The following ABCA12 variants were observed in gnomAD, a reference collection of about 807,000 sequenced individuals.
ABCA12 encodes ATP binding cassette subfamily A member 12.
Under a neutral mutation model 293.5 loss-of-function variants are expected in ABCA12, and 156 were observed. The observed-to-expected ratio is 0.53, with a 90% CI of 0.47 to 0.61. The LOEUF (loss-of-function observed/expected upper bound fraction) is 0.61, where lower values mean the gene tolerates loss of function less well. ABCA12 is among the 20% of genes least tolerant of loss of function. The pLI is 0.00. For synonymous variants in ABCA12, 1,063 were observed against 1,108.0 expected (o/e 0.96, Z 0.81); for missense variants, 2,797 against 3,090.2 (o/e 0.91, Z 2.25).
At chr2:214,958,522 T>A (rs1415743448) in intron 40 of ABCA12, 68 bp from the exon 41 acceptor site, 17 of 1,530,984 alleles carry the variant, frequency 1.1e-5, no homozygotes, top group Non-Finnish European at 1.5e-5. Context: ...TCAGAAAGAT[T>A]CATAACTAAA....
intron 16 of ABCA12, 65 bp from the exon 17 acceptor site, chr2:215,011,714 G>A: frequency 6.8e-7 from 1 of 1,462,754 alleles, no homozygotes; most frequent in Non-Finnish European, 9.6e-7. Context: ...GAAAACAACA[G>A]AGAAAGAGAA....
Position 214,970,541 on chromosome 2 carries a change from G to A in ABCA12, c.5563-141C>T, listed in dbSNP as rs926964947. 7 of 916,714 alleles carry A rather than the reference G, an allele frequency of 7.6e-6. No homozygotes were observed. The African/African-American group carries it at 8.5e-5, about 11-fold the overall frequency. The allele number at this position is 916,714 out of a possible 1,614,324, so 56.8% of individuals were successfully genotyped here. A position where few individuals can be genotyped will look rare whatever the true frequency, so the allele number is the denominator to read the frequency against. On this transcript the variant is annotated intron_variant, in intron 36 of 52. Coordinates refer to ENST00000272895, the MANE Select transcript of ABCA12 (RefSeq NM_173076.3). ...GATAAGACTGTCCTTTGACTCTAAAGAGCTTTGAAAAAGAAGTCATCTCAC... is the reference window on the plus strand; with the variant it reads ...GATAAGACTGTCCTTTGACTCTAAAAAGCTTTGAAAAAGAAGTCATCTCAC...
At chr2:215,128,185 T>C (rs997725417) in intron 1 of ABCA12, among the ~76,000 whole-genome samples, 3 of 152,226 alleles carry the variant, frequency 2.0e-5, no homozygotes, top group African/African-American at 7.2e-5. Flanking sequence ...CTGGTAAGTT[T>C]TCCTTTATAG....
In ABCA12 at chr2:215,103,263, C is replaced by CTTTTTTT. The variant is rs1158377505; in HGVS notation, c.163+8333_163+8334insAAAAAAA. On this transcript the variant is annotated intron_variant, in intron 2 of 52. Transcript: ENST00000272895. ...ACTTTAACAATGTCTCTTAAAATTT[C>CTTTTTTT]TTTCTTTTTTTTTTTTTTTTTTTGA... 7.4e-5 allele frequency among the ~76,000 whole-genome samples: 6 copies of CTTTTTTT among 81,380 alleles called. 1 individual carries two copies. Among genetic ancestry groups the CTTTTTTT allele is most frequent in the African/African-American group, 1.9e-4 (5 of 26,868 alleles). The allele number at this position is 81,380 out of a possible 152,430, so 53.4% of individuals were successfully genotyped here. A position where few individuals can be genotyped will look rare whatever the true frequency, so the allele number is the denominator to read the frequency against.
intron 10 of ABCA12, 110 bp downstream of exon 10, chr2:215,026,710 A>G: frequency 1.1e-6 from 1 of 906,490 alleles, no homozygotes; most frequent in Non-Finnish European, 1.9e-6. Flanking sequence ...TATGGAAACT[A>G]AGATTTTACA....
chr2:215,001,132 G>T, intron 21 of ABCA12, 112 bp from the exon 22 acceptor site: 1 of 1,010,312 alleles, frequency 9.9e-7, no homozygotes, highest in Non-Finnish European at 1.5e-6. Flanking sequence ...TTAGTAATGT[G>T]ACAGTAGGTT....
chr2:214,961,712 C>A (rs1332047416), intron 39 of ABCA12: 2 of 152,140 alleles, frequency 1.3e-5, no homozygotes, highest in African/African-American at 4.8e-5. Flanking sequence ...CTTTAGTCAT[C>A]ATTTAATTTA....
chr2:215,024,656 A>G (rs1394373780), intron 11 of ABCA12, among the ~76,000 whole-genome samples: 1 of 152,190 alleles, frequency 6.6e-6, no homozygotes, highest in African/African-American at 2.4e-5. Flanking sequence ...ATTTATTTGT[A>G]ATATACATGG....
chr2:215,045,730 T>C lies in ABCA12; in HGVS notation c.872+107A>G, dbSNP rs919883557. On this transcript the variant is annotated intron_variant, in intron 7 of 52. Coordinates refer to ENST00000272895, the MANE Select transcript of ABCA12 (RefSeq NM_173076.3). Reference sequence around the variant, plus strand: ...TGCAATAAGAGGCTGAAGGATTATTTGCTCTGTGTTTAAATAACCCAGATA... The same window carrying C: ...TGCAATAAGAGGCTGAAGGATTATTCGCTCTGTGTTTAAATAACCCAGATA... 3.2e-5 allele frequency: 33 copies of C among 1,015,454 alleles called. No homozygotes were observed. The African/African-American group carries it at 5.4e-4, about 17-fold the overall frequency. 62.9% of individuals were successfully genotyped at this position (1,015,454 alleles called of 1,614,324 possible).
At chr2:215,117,263 T>A (rs939286059) in intron 1 of ABCA12, among the ~76,000 whole-genome samples, 50 of 152,178 alleles carry the variant, frequency 3.3e-4, no homozygotes, top group African/African-American at 1.2e-3. Flanking sequence ...GAAAAAGAGA[T>A]AAAGACAAGC....
intron 21 of ABCA12, 90 bp from the exon 22 acceptor site, chr2:215,001,110 C>G (rs1311759350): frequency 1.3e-5 from 17 of 1,287,824 alleles, no homozygotes; most frequent in Admixed American, 1.9e-5. Flanking sequence ...GACAGCCAAA[C>G]AGTCAATTGA....
At chr2:214,990,438 A>G (rs1211454352) in intron 24 of ABCA12, among the ~76,000 whole-genome samples, 1 of 152,232 alleles carries the variant, frequency 6.6e-6, no homozygotes, top group East Asian at 1.9e-4. Flanking sequence ...AGACCTCTAA[A>G]ACATGATGTA....
intron 1 of ABCA12, among the ~76,000 whole-genome samples, chr2:215,135,026 A>G (rs2970966): frequency 0.33 from 50,120 of 151,940 alleles, 11,697 homozygotes; most frequent in African/African-American, 0.66. Context: ...GCAGTGGCAC[A>G]ATCTCAGCTC....
chr2:214,982,975 C>T (rs1699701500), intron 29 of ABCA12, among the ~76,000 whole-genome samples: 2 of 152,048 alleles, frequency 1.3e-5, no homozygotes, highest in South Asian at 4.1e-4. Context: ...TGGCACAGAC[C>T]AGGAAAGCGG....
intron 26 of ABCA12, among the ~76,000 whole-genome samples, chr2:214,988,834 A>G (rs1699843787): frequency 6.6e-6 from 1 of 151,948 alleles, no homozygotes; most frequent in Non-Finnish European, 1.5e-5. Flanking sequence ...TGGGATTTGA[A>G]TACTTCTTTT....
intron 50 of ABCA12, among the ~76,000 whole-genome samples, chr2:214,942,489 G>T (rs1439742007): frequency 1.3e-5 from 2 of 152,068 alleles, no homozygotes; most frequent in Non-Finnish European, 2.9e-5. Context: ...TTTTGAATGT[G>T]GTATGAATGT....
At chr2:215,109,306 G>A (rs1336123179) in intron 2 of ABCA12, among the ~76,000 whole-genome samples, 1 of 152,070 alleles carries the variant, frequency 6.6e-6, no homozygotes, top group Non-Finnish European at 1.5e-5. Context: ...ACAAAGAAGC[G>A]GTTTTCACCA....
rs749497478 is a variant in ABCA12, at chr2:215,011,663, A to G, written c.2122-14T>C. The G allele has an allele frequency of 1.2e-6, 2 of 1,613,138 alleles. No homozygotes were observed. On this transcript the variant is annotated splice_polypyrimidine_tract_variant and intron_variant, in intron 16 of 52. Coordinates refer to ENST00000272895, the MANE Select transcript of ABCA12 (RefSeq NM_173076.3). ...TCTGTACATTGCCTGTGAGACAAAA[A>G]TCCACAATTTATTGACACTATATGA...
At chr2:215,078,008 A>C (rs561404907) in intron 2 of ABCA12, among the ~76,000 whole-genome samples, 22 of 152,296 alleles carry the variant, frequency 1.4e-4, no homozygotes, top group African/African-American at 5.3e-4. Flanking sequence ...GACACAACCT[A>C]ATTTATTTAA....
Sources: allele counts gnomAD v4.1 joint callset (sites outside exome capture counted in the v4.1 genomes callset), GRCh38; gene constraint gnomAD v4.1.1; transcripts MANE v1.5; gene names NCBI Gene and HGNC (gene_info 2026-07-23, HGNC 2026-07-21).